HS6ST3: variants seen among roughly 807,000 people sequenced by gnomAD.
The protein encoded by HS6ST3 is heparan sulfate 6-O-sulfotransferase 3, also known as heparan-sulfate 6-O-sulfotransferase 3.
In HS6ST3, 12 loss-of-function variants were observed where a neutral mutation model predicts 36.7. The observed-to-expected ratio is 0.33, with a 90% CI of 0.21 to 0.53. HS6ST3 has a LOEUF of 0.53. Among genes scored for constraint, HS6ST3 ranks in the 20% least tolerant of loss-of-function variants. The pLI is 0.95. For synonymous variants in HS6ST3, 240 were observed against 257.5 expected, an observed-to-expected ratio of 0.93 and a Z score of 0.65; for missense variants, 584 against 640.9, an observed-to-expected ratio of 0.91 and a Z score of 0.96.
chr13:96,693,775 T>C (rs1012750366), intron 1 of HS6ST3, among the ~76,000 whole-genome samples: 6 of 152,180 alleles, frequency 3.9e-5, no homozygotes, highest in Admixed American at 3.9e-4. Context: ...CACTTTAGTA[T>C]TTACATTCTC....
In HS6ST3 at chr13:96,438,272, CAA is replaced by C. The variant is rs148341040; in HGVS notation, c.707+346704_707+346705del. ...TCTTCTTCATGTTTGGTATATAAAA[CAA>C]GAGCATTTGAAGGTGTATTACATGC... On this transcript the variant is annotated intron_variant, in intron 1 of 1. Transcript: ENST00000376705. Among the ~76,000 whole-genome samples, 34 of 152,284 alleles carry C rather than the reference CAA, an allele frequency of 2.2e-4. No homozygotes were observed. In the East Asian group the frequency reaches 6.4e-3, roughly 29 times the overall value.
At chr13:96,432,246 C>A (rs1594778930) in intron 1 of HS6ST3, among the ~76,000 whole-genome samples, 1 of 152,096 alleles carries the variant, frequency 6.6e-6, no homozygotes, top group Non-Finnish European at 1.5e-5. Context: ...GCTAATGACC[C>A]CTGTAGAAAT....
intron 1 of HS6ST3, among the ~76,000 whole-genome samples, chr13:96,521,918 C>T (rs1434099674): frequency 1.3e-5 from 2 of 151,944 alleles, no homozygotes. Context: ...GCTCTTGCTT[C>T]TCTAGTTCTT....
chr13:96,689,740 C>T lies in HS6ST3; in HGVS notation c.708-142750C>T, dbSNP rs562606053. 8.6e-5 allele frequency among the ~76,000 whole-genome samples: 13 copies of T among 150,588 alleles called. No individual in the cohort carries two copies. The East Asian group carries it at 2.2e-3, about 25-fold the overall frequency. ...ATAGATAGATGTGAAGAAAAGAGAG[C>T]GGCTGCTCCCTTGGCTATTCTTTCA... On this transcript the variant is annotated intron_variant, in intron 1 of 1. Transcript: ENST00000376705.
chr13:96,213,212 C>T (rs2054407278), intron 1 of HS6ST3, among the ~76,000 whole-genome samples: 1 of 152,130 alleles, frequency 6.6e-6, no homozygotes, highest in Non-Finnish European at 1.5e-5. Context: ...ATTTTGGTTC[C>T]CTTGTATATG....
chr13:96,460,704 A>G (rs1011086704), intron 1 of HS6ST3, among the ~76,000 whole-genome samples: 11 of 152,230 alleles, frequency 7.2e-5, no homozygotes, highest in African/African-American at 2.2e-4. Context: ...ATTACTTCAG[A>G]TAACAGAGGC....
intron 1 of HS6ST3, among the ~76,000 whole-genome samples, chr13:96,687,283 G>GT (rs1052590003): frequency 2.6e-5 from 4 of 151,952 alleles, no homozygotes; most frequent in African/African-American, 9.7e-5. Context: ...GCTATTAAAA[G>GT]TTTTTTGTGG....
rs1397374817 is a variant in HS6ST3 at position 96,656,998 on chromosome 13, T to TGTGAGAGA, written c.708-175491_708-175490insTGAGAGAG. On this transcript the variant is annotated intron_variant, in intron 1 of 1. Transcript: ENST00000376705. ...GTGTGTGTGTGTGTGTGTGTGTGTG[T>TGTGAGAGA]GAGAGAGAGAGAGAGAGAGAGAGAG... 2.7e-3 allele frequency among the ~76,000 whole-genome samples: 263 copies of TGTGAGAGA among 98,346 alleles called. 2 individuals are homozygous for TGTGAGAGA. Among genetic ancestry groups the TGTGAGAGA allele is most frequent in the Middle Eastern group, 5.6e-3 (1 of 180 alleles). The allele number at this position is 98,346 out of a possible 152,430, so 64.5% of individuals were successfully genotyped here.
chr13:96,208,575 T>C (rs1253650717), intron 1 of HS6ST3, among the ~76,000 whole-genome samples: 1 of 152,210 alleles, frequency 6.6e-6, no homozygotes, highest in Admixed American at 6.5e-5. Context: ...TCTTTCTTTC[T>C]CATGACATAG....
chr13:96,679,349 G>A (rs1004312128), intron 1 of HS6ST3, among the ~76,000 whole-genome samples: 2 of 151,446 alleles, frequency 1.3e-5, no homozygotes, highest in South Asian at 2.1e-4. Context: ...TAAAATCTCC[G>A]AGCAGGCTTG....
chr13:96,755,808 A>G (rs529484852), intron 1 of HS6ST3, among the ~76,000 whole-genome samples: 1 of 152,188 alleles, frequency 6.6e-6, no homozygotes, highest in Non-Finnish European at 1.5e-5. Flanking sequence ...ACATTGATGT[A>G]TGTAATTTTT....
chr13:96,644,436 G>A (rs2056580915), intron 1 of HS6ST3, among the ~76,000 whole-genome samples: 1 of 151,978 alleles, frequency 6.6e-6, no homozygotes, highest in Non-Finnish European at 1.5e-5. Context: ...ATGATTTAAG[G>A]AAAAGAAGCC....
chr13:96,491,602 T>C (rs1376396815), intron 1 of HS6ST3, among the ~76,000 whole-genome samples: 4 of 152,080 alleles, frequency 2.6e-5, no homozygotes, highest in African/African-American at 9.7e-5. Context: ...ATGAATTATC[T>C]GCCACCACCC....
chr13:96,136,019 T>C (rs2053999940), intron 1 of HS6ST3, among the ~76,000 whole-genome samples: 1 of 152,114 alleles, frequency 6.6e-6, no homozygotes, highest in Non-Finnish European at 1.5e-5. Context: ...AATCTTCTGA[T>C]TGGCCACACT....
chr13:96,323,180 G>A (rs963148547), intron 1 of HS6ST3, among the ~76,000 whole-genome samples: 1 of 152,084 alleles, frequency 6.6e-6, no homozygotes, highest in Non-Finnish European at 1.5e-5. Flanking sequence ...CATATATAGT[G>A]ACACTTCTTT....
chr13:96,344,026 A>G (rs61966941), intron 1 of HS6ST3, among the ~76,000 whole-genome samples: 15,432 of 152,052 alleles, frequency 0.1, 844 homozygotes, highest in Middle Eastern at 0.14. Flanking sequence ...ACAGGCATGA[A>G]CCACTGCACT....
At chr13:96,674,254 C>T (rs1229176273) in intron 1 of HS6ST3, among the ~76,000 whole-genome samples, 3 of 152,070 alleles carry the variant, frequency 2.0e-5, no homozygotes, top group Non-Finnish European at 4.4e-5. Flanking sequence ...TTCCCCTTCA[C>T]CTTCCGCCAT....
intron 1 of HS6ST3, among the ~76,000 whole-genome samples, chr13:96,480,049 T>G (rs2055882942): frequency 6.6e-6 from 1 of 152,142 alleles, no homozygotes; most frequent in Non-Finnish European, 1.5e-5. Flanking sequence ...TGGGAAACAT[T>G]CCAGATATTG....
chr13:96,602,659 G>T (rs1379125829), intron 1 of HS6ST3, among the ~76,000 whole-genome samples: 1 of 152,184 alleles, frequency 6.6e-6, no homozygotes, highest in Non-Finnish European at 1.5e-5. Flanking sequence ...CAGTAGTGTG[G>T]CTCAGAGATC....
Sources: gnomAD v4.1 joint callset for allele counts (sites outside exome capture counted in the v4.1 genomes callset) on GRCh38, gnomAD v4.1.1 for gene constraint, MANE v1.5 for transcripts, NCBI Gene and HGNC (gene_info 2026-07-23, HGNC 2026-07-21) for gene names.